ZMYND12: variants seen among roughly 807,000 people sequenced by gnomAD.
ZMYND12 encodes the protein zinc finger MYND domain-containing protein 12.
A neutral mutation model predicts 41.7 loss-of-function variants in ZMYND12; 32 were observed. The observed-to-expected ratio is 0.77, with a 90% CI of 0.58 to 1.03. ZMYND12 has a LOEUF of 1.03. ZMYND12 is among the 50% of genes least tolerant of loss of function. The pLI is 0.00. For synonymous variants in ZMYND12, 148 were observed against 164.8 expected (o/e 0.90, Z 0.78); for missense variants, 424 against 438.5 (o/e 0.97, Z 0.30).
In ZMYND12 at chr1:42,437,419, A is replaced by G. The variant is rs1350275932; in HGVS notation, c.595-876T>C. ...TGTACACGTAAAATGGGTGAATTTT[A>G]TGGTATATATCAATAAAGCTCTGTG... On this transcript the variant is annotated intron_variant, in intron 4 of 7. Coordinates refer to ENST00000372565, the MANE Select transcript of ZMYND12 (RefSeq NM_032257.5). Among the ~76,000 whole-genome samples, 4 of 146,282 alleles carry G rather than the reference A, an allele frequency of 2.7e-5. No individual in the cohort carries two copies. In the East Asian group the frequency reaches 8.3e-4, roughly 30 times the overall value.
At position 42,436,536 on chromosome 1, in the gene ZMYND12, A is replaced by G; in HGVS notation, c.602T>C (p.Phe201Ser). The G allele has an allele frequency of 6.2e-7, 1 of 1,612,958 alleles. No individual in the cohort carries two copies. Residue 201 changes from phenylalanine to serine, a missense_variant, in exon 5 of 8, where the codon TTT (phenylalanine) becomes TCT (serine). Physicochemically the swap from Phe to Ser is radical, Grantham distance 155. Coordinates refer to ENST00000372565, the MANE Select transcript of ZMYND12 (RefSeq NM_032257.5). ...ARYHLANDIY[F>S]ASCAFGTEDI... ...CTCTGTTCCAAATGCACAACTGGCAAAATAAATCTATAGCAGAAGGAAGAA... is the reference window on the plus strand; with the variant it reads ...CTCTGTTCCAAATGCACAACTGGCAGAATAAATCTATAGCAGAAGGAAGAA...
At chr1:42,450,835 C>A (rs1643076323) in intron 1 of ZMYND12, among the ~76,000 whole-genome samples, 1 of 151,954 alleles carries the variant, frequency 6.6e-6, no homozygotes, top group African/African-American at 2.4e-5. Flanking sequence ...TTTGTAATTT[C>A]TTCTGTGACT....
At chr1:42,448,251 C>T (rs1643044571) in intron 3 of ZMYND12, among the ~76,000 whole-genome samples, 1 of 152,216 alleles carries the variant, frequency 6.6e-6, no homozygotes, top group Admixed American at 6.5e-5. Context: ...CAAAGTTCCT[C>T]CTTTTTGTGC....
At chr1:42,436,579 C>T in intron 4 of ZMYND12, 36 bp from the exon 5 acceptor site, 3 of 1,607,892 alleles carry the variant, frequency 1.9e-6, no homozygotes, top group Non-Finnish European at 2.6e-6. Flanking sequence ...GCTTGAGTTC[C>T]TTTTGCAAAT....
At position 42,439,867 on chromosome 1, in the gene ZMYND12, G is replaced by C. The variant is rs1372974214; in HGVS notation, c.583C>G (p.Leu195Val). 1.1e-5 allele frequency: 18 copies of C among 1,611,180 alleles called. No homozygotes were observed. Among genetic ancestry groups the C allele is most frequent in the Non-Finnish European group, 1.4e-5 (17 of 1,179,154 alleles). Residue 195 changes from leucine (L) to valine (V), a missense_variant, in exon 4 of 8, where the codon CTG (leucine) becomes GTG (valine). Transcript: ENST00000372565. Reference protein sequence around the residue: ...KKNYEEARYHLANDIYFASCA... With the variant: ...KKNYEEARYHVANDIYFASCA... The stretch of plus-strand genomic sequence containing the variant: ...CTTAGCTTGTTTACATCATTGGCCA[G>C]ATGATAACGGGCCTCTTCATAGTTT...
chr1:42,449,653 A>C (rs1643062135), intron 2 of ZMYND12, among the ~76,000 whole-genome samples: 1 of 152,222 alleles, frequency 6.6e-6, no homozygotes, highest in Admixed American at 6.5e-5. Flanking sequence ...CCCAGCCTCC[A>C]GAGCTGTGAG....
chr1:42,440,028 G>A lies in ZMYND12; in HGVS notation c.425-3C>T. On this transcript the variant is annotated splice_polypyrimidine_tract_variant and splice_region_variant and intron_variant, in intron 3 of 7. Transcript: ENST00000372565. ...AGCCTGAACGATTCGGCCCAGACCT[G>A]CCCAAAAGCAGAAAAGAAGGTTATA... 6.3e-7 allele frequency: 1 copy of A among 1,588,362 alleles called. No individual in the cohort carries two copies. Among genetic ancestry groups the A allele is most frequent in the Non-Finnish European group, 8.5e-7 (1 of 1,171,156 alleles).
chr1:42,432,490 C>T (rs1031132909), intron 7 of ZMYND12, among the ~76,000 whole-genome samples: 12 of 152,190 alleles, frequency 7.9e-5, no homozygotes, highest in African/African-American at 2.9e-4. Flanking sequence ...ATCCCCAGTC[C>T]CTAGATTAGT....
chr1:42,435,227 G>T (rs2148404664), intron 6 of ZMYND12, 47 bp downstream of exon 6: 1 of 1,405,430 alleles, frequency 7.1e-7, no homozygotes, highest in Non-Finnish European at 1.0e-6. Flanking sequence ...CTGTGTATTG[G>T]GTGAGATGAA....
chr1:42,445,859 T>C (rs1283831795), intron 3 of ZMYND12, among the ~76,000 whole-genome samples: 3 of 152,142 alleles, frequency 2.0e-5, no homozygotes, highest in African/African-American at 7.2e-5. Flanking sequence ...TAGTAGGCAG[T>C]GGTCTAGATG....
At position 42,439,923 on chromosome 1, in the gene ZMYND12, C is replaced by T. The variant is rs954195810; in HGVS notation, c.527G>A (p.Arg176Gln). 21 of 1,613,928 alleles carry T rather than the reference C, an allele frequency of 1.3e-5. No homozygotes were observed. Among genetic ancestry groups the T allele is most frequent in the Admixed American group, 8.3e-5 (5 of 59,980 alleles). Reference sequence around the variant, plus strand: ...AGCTATATAGAGAAGTCCCAGATTCCGATGCAGTAAAGAGTGGGTGGCATT... The same window carrying T: ...AGCTATATAGAGAAGTCCCAGATTCTGATGCAGTAAAGAGTGGGTGGCATT... ...CSNATHSLLH[R>Q]NLGLLYIAKK... Residue 176 changes from arginine (R) to glutamine (Q), a missense_variant, in exon 4 of 8, where the codon CGG becomes CAG. By Grantham distance (43) the Arg-to-Gln change is conservative. Coordinates refer to ENST00000372565, the MANE Select transcript of ZMYND12 (RefSeq NM_032257.5).
intron 4 of ZMYND12, 66 bp downstream of exon 4, chr1:42,439,790 G>A: frequency 6.9e-7 from 1 of 1,442,358 alleles, no homozygotes. Context: ...AACAGATTTT[G>A]GAAATATACA....
intron 4 of ZMYND12, among the ~76,000 whole-genome samples, chr1:42,437,133 A>T (rs1642916180): frequency 6.6e-6 from 1 of 152,262 alleles, no homozygotes; most frequent in Admixed American, 6.5e-5. Flanking sequence ...CTGTTGATAC[A>T]TGCAACAACA....
rs1642908716 is a variant in ZMYND12 at position 42,436,456 on chromosome 1, T to C, written c.682A>G (p.Lys228Glu). ...FHLANIFYDL[K>E]KLDLADTLYT... ...AATGTGTCTGCCAGGTCCAACTTTT[T>C]AAGGTCATAGAATATATTAGCCAGG... The change falls in exon 5 of 8, where the codon AAA becomes GAA. Residue 228 changes from lysine to glutamate, a missense_variant. Transcript: ENST00000372565. The C allele has an allele frequency of 1.2e-6, 2 of 1,613,700 alleles. No individual in the cohort carries two copies. The highest frequency in any genetic ancestry group is 1.7e-5 in the Admixed American group (1 of 60,016).
chr1:42,437,398 C>T (rs1208056987), intron 4 of ZMYND12, among the ~76,000 whole-genome samples: 1 of 151,050 alleles, frequency 6.6e-6, no homozygotes, highest in Non-Finnish European at 1.5e-5. Flanking sequence ...TTTAATTGTA[C>T]ACGTAAAATG....
In ZMYND12 at chr1:42,430,836, G is replaced by C; in HGVS notation, c.998C>G (p.Ala333Gly). 1 of 1,614,146 alleles carries C rather than the reference G, an allele frequency of 6.2e-7. No homozygotes were observed. Among genetic ancestry groups the C allele is most frequent in the South Asian group, 1.1e-5 (1 of 91,064 alleles). Residue 333 changes from alanine to glycine, a missense_variant, in exon 8 of 8, where the codon GCC becomes GGC. Coordinates refer to ENST00000372565, the MANE Select transcript of ZMYND12 (RefSeq NM_032257.5). ...SSKAQEYGMR[A>G]LSLAKEQQLD... The stretch of plus-strand genomic sequence containing the variant: ...CTGTTGTTCTTTGGCTAGACTGAGG[G>C]CCCTCATGCCATATTCCTGTGCCTG...
chr1:42,430,658 A>T lies in ZMYND12; in HGVS notation c.*78T>A. On this transcript the variant is annotated 3_prime_UTR_variant, in exon 8 of 8. Coordinates refer to ENST00000372565, the MANE Select transcript of ZMYND12 (RefSeq NM_032257.5). ...AACTTCAGCAGTCTACAGTACCTCA[A>T]AGCAGTTGTGCAAGGCTGGAATATA... 6.3e-7 allele frequency: 1 copy of T among 1,579,504 alleles called. No individual in the cohort carries two copies. Among genetic ancestry groups the T allele is most frequent in the Non-Finnish European group, 8.7e-7 (1 of 1,154,312 alleles).
chr1:42,437,753 C>G (rs951187682), intron 4 of ZMYND12, among the ~76,000 whole-genome samples: 3 of 151,964 alleles, frequency 2.0e-5, no homozygotes, highest in African/African-American at 7.3e-5. Context: ...GCAATCCTGG[C>G]TCACTGCAAC....
At chr1:42,440,580 G>C (rs1642958234) in intron 3 of ZMYND12, among the ~76,000 whole-genome samples, 1 of 150,860 alleles carries the variant, frequency 6.6e-6, no homozygotes. Context: ...TTCTTTTAGG[G>C]GTGATGAAAA....
Sources: allele counts gnomAD v4.1 joint callset (sites outside exome capture counted in the v4.1 genomes callset), GRCh38; gene constraint gnomAD v4.1.1; transcripts MANE v1.5; gene names NCBI Gene and HGNC (gene_info 2026-07-23, HGNC 2026-07-21).